BPI: variants seen among roughly 807,000 people sequenced by gnomAD.
BPI encodes bactericidal permeability-increasing protein.
BPI carries 48 observed loss-of-function variants against 57.6 expected under a neutral mutation model. The ratio of observed to expected loss-of-function variants is 0.83; its 90% CI spans 0.66 to 1.06. The LOEUF is 1.06. BPI is among the 50% of genes least tolerant of loss of function. The pLI is 0.00. For synonymous variants in BPI, 237 were observed against 238.2 expected, an observed-to-expected ratio of 0.99 and a Z score of 0.05; for missense variants, 651 against 609.7, an observed-to-expected ratio of 1.07 and a Z score of -0.71.
intron 5 of BPI, among the ~76,000 whole-genome samples, chr20:38,312,494 G>A (rs1274913203): frequency 6.6e-6 from 1 of 152,206 alleles, no homozygotes; most frequent in Non-Finnish European, 1.5e-5. Context: ...CCATTCATTT[G>A]GCTGGTTTTC....
At position 38,318,579 on chromosome 20, in the gene BPI, T is replaced by A. The variant is rs182714859; in HGVS notation, c.664+103T>A. 169 of 1,235,834 alleles carry A rather than the reference T, an allele frequency of 1.4e-4. 1 individual carries two copies. Among genetic ancestry groups the A allele is most frequent in the South Asian group, 7.3e-4 (61 of 83,170 alleles). 76.6% of individuals were successfully genotyped at this position (1,235,834 alleles called of 1,614,324 possible). On this transcript the variant is annotated intron_variant, in intron 6 of 14. Coordinates refer to ENST00000642449, the MANE Select transcript of BPI (RefSeq NM_001725.3). ...GGCCGGCAAGTTTCCCAGACAGCCC[T>A]GGGCCTGGGTGGGAATGAGCAGAGT...
chr20:38,306,792 G>A (rs976970976), intron 1 of BPI, among the ~76,000 whole-genome samples: 2 of 152,136 alleles, frequency 1.3e-5, no homozygotes, highest in African/African-American at 2.4e-5. Context: ...GGTGTTTCAG[G>A]GGTGATATTT....
intron 5 of BPI, among the ~76,000 whole-genome samples, chr20:38,316,030 C>T (rs530726177): frequency 6.6e-6 from 1 of 152,120 alleles, no homozygotes; most frequent in South Asian, 2.1e-4. Flanking sequence ...GACAGGAATT[C>T]ACCATGTTGG....
At chr20:38,308,828 C>T (rs2076608486) in intron 2 of BPI, 102 bp from the exon 3 acceptor site, 2 of 1,458,392 alleles carry the variant, frequency 1.4e-6, no homozygotes, top group East Asian at 2.3e-5. Context: ...GAGTGAAGGA[C>T]CAGGTGGTGG....
At chr20:38,335,951 G>A (rs1257932437) in intron 14 of BPI, among the ~76,000 whole-genome samples, 2 of 152,152 alleles carry the variant, frequency 1.3e-5, no homozygotes, top group African/African-American at 4.8e-5. Flanking sequence ...ATGCATTTGT[G>A]GGCCAAAGAG....
At chr20:38,331,666 A>G (rs1012708530) in intron 12 of BPI, among the ~76,000 whole-genome samples, 3 of 152,126 alleles carry the variant, frequency 2.0e-5, no homozygotes, top group African/African-American at 7.2e-5. Flanking sequence ...CAACATAGCA[A>G]GACCTCATCT....
At chr20:38,305,465 T>C (rs528352223) in intron 1 of BPI, among the ~76,000 whole-genome samples, 1 of 152,232 alleles carries the variant, frequency 6.6e-6, no homozygotes, top group East Asian at 1.9e-4. Context: ...ACATTCTCCA[T>C]GGCTCCCTAC....
chr20:38,326,269 C>T lies in BPI; in HGVS notation c.998C>T (p.Ala333Val), dbSNP rs142171209. 186 of 1,611,368 alleles carry T rather than the reference C, an allele frequency of 1.2e-4. No individual in the cohort carries two copies. Among genetic ancestry groups the T allele is most frequent in the Non-Finnish European group, 1.3e-4 (148 of 1,178,640 alleles). ...TGTCTCCACTGGGGGCTGCAGGTGG[C>T]CAAGAAGTTTCCCAACATGAAGATA... ...KFFGTFLPEV[A>V]KKFPNMKIQI... Residue 333 changes from alanine to valine, a missense_variant, in exon 10 of 15, where the codon GCC becomes GTC. Ala to Val is a moderately conservative substitution (Grantham distance 64). Transcript: ENST00000642449.
rs552730655 is a variant in BPI at position 38,337,351 on chromosome 20, T to C, written c.*167T>C. On this transcript the variant is annotated 3_prime_UTR_variant, in exon 15 of 15. Coordinates refer to ENST00000642449, the MANE Select transcript of BPI (RefSeq NM_001725.3). ...TCTAAACACGAGGAAACATTATTCATTGGAAAAGTGCATGGTGTGTATTTT... is the reference window on the plus strand; with the variant it reads ...TCTAAACACGAGGAAACATTATTCACTGGAAAAGTGCATGGTGTGTATTTT... 6.9e-5 allele frequency: 39 copies of C among 568,164 alleles called. No individual in the cohort carries two copies. Among genetic ancestry groups the C allele is most frequent in the Middle Eastern group, 9.1e-4 (2 of 2,204 alleles). The allele number at this position is 568,164 out of a possible 1,614,324, so 35.2% of individuals were successfully genotyped here.
At position 38,308,967 on chromosome 20, in the gene BPI, A is replaced by G. The variant is rs1254516709; in HGVS notation, c.283A>G (p.Ile95Val). 6.2e-7 allele frequency: 1 copy of G among 1,614,224 alleles called. No homozygotes were observed. Among genetic ancestry groups the G allele is most frequent in the South Asian group, 1.1e-5 (1 of 91,084 alleles). Residue 95 changes from isoleucine to valine, a missense_variant, in exon 3 of 15, where the codon ATA (isoleucine) becomes GTA (valine). Ile to Val is a conservative substitution (Grantham distance 29). Transcript: ENST00000642449. ...IREFQLPSSQ[I>V]SMVPNVGLKF... ...TGAATTCCAGCTTCCCAGTTCCCAG[A>G]TAAGCATGGTGCCCAATGTGGGCCT...
chr20:38,326,279 T>C lies in BPI; in HGVS notation c.1008T>C (p.Phe336=). 1 of 1,612,212 alleles carries C rather than the reference T, an allele frequency of 6.2e-7. No individual in the cohort carries two copies. The highest frequency in any genetic ancestry group is 2.2e-5 in the East Asian group (1 of 44,830). Residue 336 remains phenylalanine, a synonymous_variant, in exon 10 of 15, where the codon TTT becomes TTC. Coordinates refer to ENST00000642449, the MANE Select transcript of BPI (RefSeq NM_001725.3). ...GTFLPEVAKK[F]PNMKIQIHVS... is the part of the protein sequence containing the mutation. ...GGGGGCTGCAGGTGGCCAAGAAGTT[T>C]CCCAACATGAAGATACAGATCCATG...
chr20:38,306,673 G>T (rs1003419090), intron 1 of BPI, among the ~76,000 whole-genome samples: 1 of 152,192 alleles, frequency 6.6e-6, no homozygotes, highest in African/African-American at 2.4e-5. Flanking sequence ...ATGTGCAAAG[G>T]CCCTGGGGAG....
intron 3 of BPI, 133 bp downstream of exon 3, chr20:38,309,191 A>T: frequency 7.7e-7 from 1 of 1,293,796 alleles, no homozygotes; most frequent in Non-Finnish European, 1.1e-6. Context: ...TTCCTCAGGA[A>T]ATTCTTCACA....
chr20:38,334,518 C>T, intron 13 of BPI, 25 bp downstream of exon 13: 1 of 1,600,446 alleles, frequency 6.2e-7, no homozygotes, highest in Non-Finnish European at 8.6e-7. Context: ...AGAAACCATT[C>T]ATTTTCAGTC....
At chr20:38,330,777 C>T (rs538129869) in intron 11 of BPI, among the ~76,000 whole-genome samples, 25 of 152,308 alleles carry the variant, frequency 1.6e-4, no homozygotes, top group African/African-American at 5.8e-4. Context: ...GAGGTACATC[C>T]TTGCAGCAAT....
At chr20:38,324,280 G>A (rs1301004640) in intron 8 of BPI, among the ~76,000 whole-genome samples, 1 of 152,128 alleles carries the variant, frequency 6.6e-6, no homozygotes, top group African/African-American at 2.4e-5. Flanking sequence ...CCAATAACTG[G>A]CTTTCTCCAA....
intron 5 of BPI, among the ~76,000 whole-genome samples, chr20:38,312,254 T>C (rs558202727): frequency 7.6e-4 from 116 of 152,280 alleles, no homozygotes; most frequent in African/African-American, 2.7e-3. Context: ...TCTCTTCCCA[T>C]AGCCCTGCTA....
chr20:38,325,380 C>A (rs2076707349), intron 9 of BPI, among the ~76,000 whole-genome samples: 1 of 152,168 alleles, frequency 6.6e-6, no homozygotes, highest in Non-Finnish European at 1.5e-5. Flanking sequence ...ACTGGAAGTT[C>A]AAGGTTAAGG....
intron 5 of BPI, among the ~76,000 whole-genome samples, chr20:38,315,740 C>T (rs1469196576): frequency 1.3e-5 from 2 of 151,982 alleles, no homozygotes; most frequent in African/African-American, 4.8e-5. Context: ...CTTCTCACTG[C>T]TGTCTTCCCT....
Sources: gnomAD v4.1 joint callset for allele counts (sites outside exome capture counted in the v4.1 genomes callset) on GRCh38, gnomAD v4.1.1 for gene constraint, MANE v1.5 for transcripts, NCBI Gene and HGNC (gene_info 2026-07-23, HGNC 2026-07-21) for gene names.